The following MICAL2 variants were observed in gnomAD, a reference collection of about 807,000 sequenced individuals.
The protein encoded by MICAL2 is microtubule associated monooxygenase, calponin and LIM domain containing 2.
Under a neutral mutation model 127.3 loss-of-function variants are expected in MICAL2, and 77 were observed. The ratio of observed to expected loss-of-function variants is 0.60; its 90% confidence interval spans 0.50 to 0.73. The LOEUF (loss-of-function observed/expected upper bound fraction) is 0.73, where lower values mean the gene tolerates loss of function less well. MICAL2 is among the 30% of genes least tolerant of loss of function. MICAL2 has a pLI of 0.00. For missense variants in MICAL2, 1,351 were observed against 1,434.4 expected, an observed-to-expected ratio of 0.94 and a Z score of 0.94; for synonymous variants, 570 against 551.1, an observed-to-expected ratio of 1.03 and a Z score of -0.48.
chr11:12,184,752 C>G (rs1857939508), intron 3 of MICAL2, among the ~76,000 whole-genome samples: 1 of 151,902 alleles, frequency 6.6e-6, no homozygotes, highest in Non-Finnish European at 1.5e-5. Flanking sequence ...AGTAACTGAC[C>G]CATACTGAGC....
rs751334494 is a variant in MICAL2 at position 12,259,956 on chromosome 11, C to T, written c.3334+59C>T. The T allele has an allele frequency of 3.8e-6, 6 of 1,588,392 alleles. No homozygotes were observed. In the East Asian group the frequency reaches 1.2e-4, roughly 31 times the overall value. ...GCTGGCCCCTCAGGCTGCCGAGGGA[C>T]CTGTGTAACTGGATGCAGGGACTCC... On this transcript the variant is annotated intron_variant, in intron 26 of 27. Transcript: ENST00000683283.
chr11:12,357,940 A>G (rs1265661127), intron 34 of MICAL2, among the ~76,000 whole-genome samples: 1 of 152,208 alleles, frequency 6.6e-6, no homozygotes, highest in Non-Finnish European at 1.5e-5. Flanking sequence ...GCTGTGGCTC[A>G]GCTATGTTTA....
At chr11:12,345,879 G>A (rs978838529) in intron 32 of MICAL2, among the ~76,000 whole-genome samples, 2 of 152,216 alleles carry the variant, frequency 1.3e-5, no homozygotes, top group Non-Finnish European at 2.9e-5. Flanking sequence ...TGGAAAATTA[G>A]AGGGTAAGCA....
intron 31 of MICAL2, chr11:12,324,148 G>A (rs1864330859): frequency 6.6e-7 from 1 of 1,525,442 alleles, no homozygotes; most frequent in South Asian, 1.3e-5. Flanking sequence ...GAGTTTTGGG[G>A]GTCTGCATTG....
intron 6 of MICAL2, among the ~76,000 whole-genome samples, chr11:12,209,960 T>C (rs780428285): frequency 6.6e-6 from 1 of 152,230 alleles, no homozygotes; most frequent in Non-Finnish European, 1.5e-5. Context: ...CACCTCCTGG[T>C]GTGTGAGCCA....
At chr11:12,346,835 T>G (rs1005350822) in intron 32 of MICAL2, among the ~76,000 whole-genome samples, 3 of 152,202 alleles carry the variant, frequency 2.0e-5, no homozygotes, top group Non-Finnish European at 4.4e-5. Flanking sequence ...TAAATTTGGT[T>G]GCTCATACAT....
chr11:12,120,950 G>A (rs1445197308), intron 1 of MICAL2, among the ~76,000 whole-genome samples: 1 of 152,222 alleles, frequency 6.6e-6, no homozygotes, highest in African/African-American at 2.4e-5. Flanking sequence ...GGAACAGGGT[G>A]GGGGGCAGTA....
At chr11:12,181,973 T>C (rs1472849422) in intron 3 of MICAL2, among the ~76,000 whole-genome samples, 1 of 152,242 alleles carries the variant, frequency 6.6e-6, no homozygotes, top group African/African-American at 2.4e-5. Flanking sequence ...TAGGAGTGCC[T>C]GTGACTTCAT....
chr11:12,161,861 G>A (rs942624434), intron 2 of MICAL2: 1 of 436,850 alleles, frequency 2.3e-6, no homozygotes, highest in South Asian at 2.5e-5. Context: ...AGCAAGAGGA[G>A]CAGAGCATAG....
chr11:12,344,052 T>C (rs892773643), intron 32 of MICAL2, among the ~76,000 whole-genome samples: 3 of 152,174 alleles, frequency 2.0e-5, no homozygotes, highest in Non-Finnish European at 4.4e-5. Context: ...TCCCAGCCCT[T>C]TGGGAGGCTG....
At chr11:12,271,418 C>T (rs576330233), upstream of MICAL2, among the ~76,000 whole-genome samples, 5 of 152,320 alleles carry the variant, frequency 3.3e-5, no homozygotes, top group African/African-American at 9.6e-5. Context: ...GGCTCTTCAC[C>T]TGGGGCTGGC....
At chr11:12,234,337 G>A (rs1450923970) in intron 15 of MICAL2, among the ~76,000 whole-genome samples, 5 of 151,842 alleles carry the variant, frequency 3.3e-5, no homozygotes, top group Non-Finnish European at 5.9e-5. Context: ...CTAAGATTAT[G>A]CATGAAGCAT....
downstream of MICAL2, among the ~76,000 whole-genome samples, chr11:12,288,409 G>C (rs1478224533): frequency 6.6e-6 from 1 of 152,212 alleles, no homozygotes; most frequent in Non-Finnish European, 1.5e-5. Flanking sequence ...GAAGCTCCCA[G>C]CCTGGGGTGA....
chr11:12,239,698 T>C lies in MICAL2; in HGVS notation c.2214+113T>C, dbSNP rs1859597553. 5 of 1,272,092 alleles carry C rather than the reference T, an allele frequency of 3.9e-6. 1 individual carries two copies. Among genetic ancestry groups the C allele is most frequent in the South Asian group, 3.0e-5 (2 of 65,876 alleles). The allele number at this position is 1,272,092 out of a possible 1,614,324, so 78.8% of individuals were successfully genotyped here. The stretch of plus-strand genomic sequence containing the variant: ...CAGCCAGGCCTGGTCCCAAGGAGAC[T>C]TGAGCTCCTTCTAGATCAGGAGTCA... On this transcript the variant is annotated intron_variant, in intron 17 of 27. Coordinates refer to ENST00000683283, the MANE Select transcript of MICAL2 (RefSeq NM_001282663.2).
chr11:12,238,294 G>A (rs546329958), intron 16 of MICAL2, among the ~76,000 whole-genome samples: 4 of 152,344 alleles, frequency 2.6e-5, no homozygotes, highest in East Asian at 3.9e-4. Flanking sequence ...AGGGGGAACA[G>A]ACGTTCTTAG....
downstream of MICAL2, chr11:12,294,093 G>A (rs1431451165): frequency 1.2e-6 from 2 of 1,614,124 alleles, no homozygotes; most frequent in African/African-American, 1.3e-5. Context: ...GGTAGAGGAG[G>A]CCGTGTGCTA....
chr11:12,298,633 G>A (rs746369158), intron 29 of MICAL2, among the ~76,000 whole-genome samples: 3 of 152,112 alleles, frequency 2.0e-5, no homozygotes, highest in Non-Finnish European at 4.4e-5. Flanking sequence ...TGGGTTGACT[G>A]AGATATATTT....
At chr11:12,319,092 T>C (rs967274558) in intron 29 of MICAL2, among the ~76,000 whole-genome samples, 1 of 152,238 alleles carries the variant, frequency 6.6e-6, no homozygotes, top group African/African-American at 2.4e-5. Context: ...TGCATGAGAC[T>C]ATGTGATAAA....
chr11:12,184,957 G>A (rs1459442295), intron 3 of MICAL2, among the ~76,000 whole-genome samples: 2 of 151,128 alleles, frequency 1.3e-5, no homozygotes, highest in Non-Finnish European at 2.9e-5. Context: ...AGCCTAGTGA[G>A]TTAGGAAAAG....
Sources: gnomAD v4.1 joint callset for allele counts (sites outside exome capture counted in the v4.1 genomes callset) on GRCh38, gnomAD v4.1.1 for gene constraint, MANE v1.5 for transcripts, NCBI Gene and HGNC (gene_info 2026-07-23, HGNC 2026-07-21) for gene names.